The following TCERG1 variants were observed in gnomAD, a reference collection of about 807,000 sequenced individuals.
TCERG1 encodes TATA box binding protein (TBP)-associated factor, RNA polymerase II, S, 150kD.
In TCERG1, 37 loss-of-function variants were observed where a neutral mutation model predicts 144.7. The observed-to-expected ratio is 0.26, with a 90% CI of 0.20 to 0.34. TCERG1 has a LOEUF of 0.34. Among genes scored for constraint, TCERG1 ranks in the 10% least tolerant of loss-of-function variants. TCERG1 has a pLI of 1.00. For synonymous variants in TCERG1, 492 were observed against 458.2 expected, an observed-to-expected ratio of 1.07 and a Z score of -0.94; for missense variants, 1,027 against 1,380.7, an observed-to-expected ratio of 0.74 and a Z score of 4.06.
In TCERG1 at chr5:146,478,482, TC is replaced by T; in HGVS notation, c.1602-10del. 1 of 1,563,000 alleles carries T rather than the reference TC, an allele frequency of 6.4e-7. No individual in the cohort carries two copies. Among genetic ancestry groups the T allele is most frequent in the Non-Finnish European group, 8.6e-7 (1 of 1,161,108 alleles). ...TAACATAAGAGAATGATATTTTGCA[TC>T]AATTCTTAGGTGTGTCGTTTGGACT... On this transcript the variant is annotated splice_polypyrimidine_tract_variant and intron_variant, in intron 9 of 22. Transcript: ENST00000679501.
chr5:146,455,424 T>G, intron 2 of TCERG1, 143 bp downstream of exon 2: 1 of 955,454 alleles, frequency 1.0e-6, no homozygotes, highest in Non-Finnish European at 1.5e-6. Flanking sequence ...TATTAATATG[T>G]TTCTTCTGAA....
intron 14 of TCERG1, 117 bp downstream of exon 14, chr5:146,482,844 T>A (rs1162348931): frequency 7.6e-7 from 1 of 1,310,778 alleles, no homozygotes; most frequent in Non-Finnish European, 9.9e-7. Flanking sequence ...ATAAGGGGAT[T>A]TTTAAAATTA....
intron 5 of TCERG1, among the ~76,000 whole-genome samples, chr5:146,464,546 G>A (rs1307954189): frequency 6.6e-6 from 1 of 152,178 alleles, no homozygotes; most frequent in East Asian, 1.9e-4. Flanking sequence ...ATATTGTGGA[G>A]TGGAATTCTT....
chr5:146,483,555 ACG>A lies in TCERG1; in HGVS notation c.2090_2091del (p.Thr697MetfsTer11). On this transcript the variant is annotated frameshift_variant, in exon 15 of 23. Transcript: ENST00000679501. LOFTEE classifies it high-confidence loss of function. ...TATTTTAAAGGTGTCTGCTTTTTCA[ACG>A]TGGGAGAAGGAGTTGCACAAGATAG... ...LLERGVSAFS[T>X]WEKELHKIVF... is the part of the protein sequence containing the mutation. 1 of 1,612,506 alleles carries A rather than the reference ACG, an allele frequency of 6.2e-7. No homozygotes were observed. Among genetic ancestry groups the A allele is most frequent in the Non-Finnish European group, 8.5e-7 (1 of 1,179,146 alleles).
intron 14 of TCERG1, among the ~76,000 whole-genome samples, 161 bp from the exon 15 acceptor site, chr5:146,483,379 A>G (rs1344961942): frequency 2.6e-5 from 4 of 152,080 alleles, no homozygotes; most frequent in Non-Finnish European, 4.4e-5. Flanking sequence ...GAAATTTGCT[A>G]TTGCTAGCCT....
intron 5 of TCERG1, among the ~76,000 whole-genome samples, chr5:146,467,178 A>G (rs1038878055): frequency 6.6e-6 from 1 of 152,150 alleles, no homozygotes; most frequent in African/African-American, 2.4e-5. Flanking sequence ...CTTTTCAATA[A>G]TTGACACTAT....
intron 5 of TCERG1, among the ~76,000 whole-genome samples, chr5:146,467,853 C>T (rs1204808077): frequency 6.6e-6 from 1 of 152,130 alleles, no homozygotes; most frequent in Non-Finnish European, 1.5e-5. Flanking sequence ...CCTCACCACC[C>T]CTAGCTTATT....
intron 3 of TCERG1, among the ~76,000 whole-genome samples, chr5:146,458,098 G>A (rs1480566778): frequency 1.3e-5 from 2 of 152,014 alleles, no homozygotes; most frequent in Non-Finnish European, 2.9e-5. Flanking sequence ...AATCCCACCC[G>A]CCTTGGCCTC....
At chr5:146,467,405 C>T (rs1763888032) in intron 5 of TCERG1, among the ~76,000 whole-genome samples, 1 of 152,122 alleles carries the variant, frequency 6.6e-6, no homozygotes, top group Non-Finnish European at 1.5e-5. Context: ...TACTTTTCTT[C>T]AGACTTTGGC....
intron 15 of TCERG1, among the ~76,000 whole-genome samples, chr5:146,492,021 T>G (rs538432624): frequency 8.0e-4 from 122 of 152,352 alleles, no homozygotes; most frequent in African/African-American, 2.8e-3. Flanking sequence ...GGCCATAGTT[T>G]GCCAATTATT....
At chr5:146,487,389 A>G (rs1765941388) in intron 15 of TCERG1, among the ~76,000 whole-genome samples, 1 of 152,192 alleles carries the variant, frequency 6.6e-6, no homozygotes, top group Admixed American at 6.5e-5. Context: ...CTCCAAAGCA[A>G]TCTACAGATT....
chr5:146,476,045 C>T (rs529356621), intron 9 of TCERG1, among the ~76,000 whole-genome samples: 2 of 152,188 alleles, frequency 1.3e-5, no homozygotes, highest in Middle Eastern at 6.8e-3. Context: ...AGCTTCCCTG[C>T]TTTCTGCTGT....
At chr5:146,480,154 A>G in intron 12 of TCERG1, 60 bp downstream of exon 12, 1 of 1,313,680 alleles carries the variant, frequency 7.6e-7, no homozygotes, top group South Asian at 1.4e-5. Flanking sequence ...CGATTTGGTA[A>G]TAATTTGTGA....
intron 10 of TCERG1, among the ~76,000 whole-genome samples, chr5:146,478,855 A>G (rs1561669440): frequency 6.6e-6 from 1 of 152,180 alleles, no homozygotes; most frequent in East Asian, 1.9e-4. Flanking sequence ...TGCTTTGTAA[A>G]ATATGTGTGT....
intron 9 of TCERG1, among the ~76,000 whole-genome samples, chr5:146,477,921 T>G (rs1232606110): frequency 1.3e-5 from 2 of 152,118 alleles, no homozygotes. Flanking sequence ...CAGGCTGGTC[T>G]CAAACTCCTG....
At chr5:146,470,613 C>T (rs889069092) in intron 7 of TCERG1, 23 bp from the exon 8 acceptor site, 1 of 1,571,754 alleles carries the variant, frequency 6.4e-7, no homozygotes. Context: ...CTTTGAGTGA[C>T]ATTATCTTAA....
chr5:146,463,864 C>G, intron 5 of TCERG1, 71 bp downstream of exon 5: 1 of 1,583,310 alleles, frequency 6.3e-7, no homozygotes, highest in Non-Finnish European at 8.6e-7. Flanking sequence ...TCTCATGTGT[C>G]TGTTGCGTTT....
At chr5:146,490,755 T>C (rs549114917) in intron 15 of TCERG1, among the ~76,000 whole-genome samples, 1 of 152,320 alleles carries the variant, frequency 6.6e-6, no homozygotes, top group African/African-American at 2.4e-5. Flanking sequence ...CTCTGTTTTT[T>C]CATTCTGGGA....
intron 1 of TCERG1, among the ~76,000 whole-genome samples, chr5:146,448,242 C>T (rs1762063227): frequency 6.6e-6 from 1 of 152,192 alleles, no homozygotes; most frequent in Non-Finnish European, 1.5e-5. Context: ...GGCTTGAACT[C>T]AGGCAGTCAG....
Sources: allele counts gnomAD v4.1 joint callset (sites outside exome capture counted in the v4.1 genomes callset), GRCh38; gene constraint gnomAD v4.1.1; transcripts MANE v1.5; gene names NCBI Gene and HGNC (gene_info 2026-07-23, HGNC 2026-07-21).